The following BAD variants were observed in gnomAD, a reference collection of about 807,000 sequenced individuals.
The protein encoded by BAD is bcl2-associated agonist of cell death.
A neutral mutation model predicts 17.8 loss-of-function variants in BAD; 18 were observed. The observed-to-expected ratio is 1.01, with a 90% CI of 0.70 to 1.50. The LOEUF is 1.50. Ranked by LOEUF, BAD falls within the 40% of genes most tolerant of loss-of-function variation. The pLI, the probability that BAD is intolerant of heterozygous loss-of-function variation, is 0.00. For synonymous variants in BAD, 112 were observed against 91.5 expected (o/e 1.22, Z -1.28); for missense variants, 294 against 239.3 (o/e 1.23, Z -1.51).
At chr11:64,275,889 T>G (rs542651011) in intron 2 of BAD, 1 of 152,068 alleles carries the variant, frequency 6.6e-6, no homozygotes, top group East Asian at 1.9e-4. Flanking sequence ...CATTTGATCC[T>G]TGCCACACCC....
intron 2 of BAD, among the ~76,000 whole-genome samples, chr11:64,282,689 CT>C (rs1166119063): frequency 1.3e-5 from 2 of 151,908 alleles, no homozygotes; most frequent in East Asian, 3.9e-4. Flanking sequence ...ACCACCCTGG[CT>C]AACACGGTGA....
rs760516078 is a variant in BAD at position 64,270,322 on chromosome 11, G to A, written c.394C>T (p.Pro132Ser). Residue 132 changes from proline (P) to serine (S), a missense_variant, in exon 4 of 4, where the codon CCG becomes TCG. Physicochemically the swap from Pro to Ser is moderately conservative, Grantham distance 74 (BLOSUM62 -1). Coordinates refer to ENST00000309032, the MANE Select transcript of BAD (RefSeq NM_032989.3). ...TGCGTTGCTGTGCCCGCGCTCTTCG[G>A]GCGAGGAAGTCCCTTCTGGTGGAGG... ...VDSFKKGLPR[P>S]KSAGTATQMR... is the part of the protein sequence containing the mutation. 5 of 1,562,378 alleles carry A rather than the reference G, an allele frequency of 3.2e-6. No individual in the cohort carries two copies. The Admixed American group carries it at 9.2e-5, about 29-fold the overall frequency.
rs989251318 is a variant in BAD at position 64,270,438 on chromosome 11, A to G, written c.379-101T>C. The G allele has an allele frequency of 4.8e-5, 69 of 1,424,228 alleles. No individual in the cohort carries two copies. The African/African-American group carries it at 8.9e-4, about 18-fold the overall frequency. The allele number at this position is 1,424,228 out of a possible 1,614,324, so 88.2% of individuals were successfully genotyped here. A position where few individuals can be genotyped will look rare whatever the true frequency, so the allele number is the denominator to read the frequency against. On this transcript the variant is annotated intron_variant, in intron 3 of 3. Transcript: ENST00000309032. ...CTTCCTCTAAGTGAGATCGGGGGGG[A>G]GATAATGAAGGCCACAACTCCCAGG...
chr11:64,275,038 G>A (rs949824696), intron 2 of BAD, among the ~76,000 whole-genome samples: 34 of 148,514 alleles, frequency 2.3e-4, no homozygotes, highest in South Asian at 8.7e-4. Context: ...ACGAGAGGAC[G>A]GAATCCGGAA....
chr11:64,280,305 G>A (rs2135132095), intron 2 of BAD, among the ~76,000 whole-genome samples: 1 of 139,476 alleles, frequency 7.2e-6, no homozygotes, highest in South Asian at 2.3e-4. Context: ...GGGCGACAGA[G>A]CAAGACTCCA....
chr11:64,270,701 G>A, intron 3 of BAD: 2 of 513,672 alleles, frequency 3.9e-6, no homozygotes, highest in Non-Finnish European at 3.8e-6. Context: ...AGGTTGAAGC[G>A]GGAGGATCCT....
chr11:64,269,897 C>G lies in BAD; in HGVS notation c.*312G>C, dbSNP rs1365114129. 5.7e-6 allele frequency: 4 copies of G among 700,070 alleles called. No individual in the cohort carries two copies. The highest frequency in any genetic ancestry group is 1.0e-5 in the Non-Finnish European group (4 of 385,558). The allele number at this position is 700,070 out of a possible 1,614,324, so 43.4% of individuals were successfully genotyped here. ...CGGCCCCCAGGGCATCGCGGGGGCTCGGGTCCCGGTGACGCAACGGTTAAA... is the reference window on the plus strand; with the variant it reads ...CGGCCCCCAGGGCATCGCGGGGGCTGGGGTCCCGGTGACGCAACGGTTAAA... On this transcript the variant is annotated 3_prime_UTR_variant, in exon 4 of 4. Transcript: ENST00000309032.
chr11:64,277,360 A>C (rs536965444), intron 2 of BAD, among the ~76,000 whole-genome samples: 1 of 152,340 alleles, frequency 6.6e-6, no homozygotes, highest in South Asian at 2.1e-4. Flanking sequence ...AAGCCCCTTC[A>C]GGCCTGCAGA....
chr11:64,280,337 AT>A (rs1452555778), intron 2 of BAD, among the ~76,000 whole-genome samples: 3 of 134,456 alleles, frequency 2.2e-5, no homozygotes, highest in Non-Finnish European at 4.7e-5. Flanking sequence ...AAATAAAATA[AT>A]AATAATAATA....
In BAD at chr11:64,269,877, C is replaced by G. The variant is rs1359852511; in HGVS notation, c.*332G>C. 2 of 699,196 alleles carry G rather than the reference C, an allele frequency of 2.9e-6. No individual in the cohort carries two copies. Among genetic ancestry groups the G allele is most frequent in the Non-Finnish European group, 5.2e-6 (2 of 384,598 alleles). 43.3% of individuals were successfully genotyped at this position (699,196 alleles called of 1,614,324 possible). ...TTAACATTTGGTAGTGAGCACGGCC[C>G]CCAGGGCATCGCGGGGGCTCGGGTC... On this transcript the variant is annotated 3_prime_UTR_variant, in exon 4 of 4. Transcript: ENST00000309032.
chr11:64,270,257 G>C lies in BAD; in HGVS notation c.459C>G (p.Ser153=). 6.3e-7 allele frequency: 1 copy of C among 1,599,200 alleles called. No individual in the cohort carries two copies. Among genetic ancestry groups the C allele is most frequent in the East Asian group, 2.2e-5 (1 of 44,510 alleles). ...CCCTGCCCAAGTTCCGATCCCACCAGGACTGGAAGACTCGCGTCCAGCTGG... is the reference window on the plus strand; with the variant it reads ...CCCTGCCCAAGTTCCGATCCCACCACGACTGGAAGACTCGCGTCCAGCTGG... The part of the protein sequence containing the change: ...QSSSWTRVFQ[S]WWDRNLGRGS... The change falls in exon 4 of 4, where the codon TCC becomes TCG. Residue 153 remains serine, a synonymous_variant. Coordinates refer to ENST00000309032, the MANE Select transcript of BAD (RefSeq NM_032989.3).
intron 2 of BAD, among the ~76,000 whole-genome samples, chr11:64,277,649 G>C (rs543763675): frequency 6.6e-6 from 1 of 152,266 alleles, no homozygotes; most frequent in South Asian, 2.1e-4. Flanking sequence ...ATCTTGCCCA[G>C]GCTGGTCTCG....
intron 2 of BAD, among the ~76,000 whole-genome samples, chr11:64,282,597 T>C (rs1017059037): frequency 1.4e-5 from 2 of 144,594 alleles, no homozygotes; most frequent in South Asian, 2.2e-4. Flanking sequence ...ATGTGAAAAA[T>C]GCTGGGCATG....
At position 64,284,344 on chromosome 11, in the gene BAD, G is replaced by T; in HGVS notation, c.25C>A (p.Pro9Thr). Residue 9 changes from proline to threonine, a missense_variant, in exon 2 of 4, where the codon CCG (proline) becomes ACG (threonine). Physicochemically the swap from Pro to Thr is conservative, Grantham distance 38. Coordinates refer to ENST00000309032, the MANE Select transcript of BAD (RefSeq NM_032989.3). ...GAGCTGGAGTCTTCCTGCTCACTCG[G>T]CTCAAACTCTGGGATCTGGAACATG... MFQIPEFE[P>T]SEQEDSSSAE... 6.2e-7 allele frequency: 1 copy of T among 1,612,962 alleles called. No individual in the cohort carries two copies. Among genetic ancestry groups the T allele is most frequent in the Non-Finnish European group, 8.5e-7 (1 of 1,179,968 alleles).
intron 2 of BAD, among the ~76,000 whole-genome samples, chr11:64,279,626 C>T (rs951096035): frequency 4.0e-5 from 6 of 151,726 alleles, no homozygotes. Context: ...ATTAGCTGGG[C>T]ATGGTGCATG....
intron 2 of BAD, among the ~76,000 whole-genome samples, chr11:64,278,577 A>G (rs577595738): frequency 6.6e-6 from 1 of 152,260 alleles, no homozygotes; most frequent in African/African-American, 2.4e-5. Flanking sequence ...GAGGAAACTC[A>G]GGCAGATGGA....
intron 2 of BAD, among the ~76,000 whole-genome samples, chr11:64,277,541 G>C (rs541648104): frequency 6.6e-6 from 1 of 152,140 alleles, no homozygotes; most frequent in African/African-American, 2.4e-5. Context: ...AGGCGCAATC[G>C]ATCTTCCCAC....
chr11:64,276,793 G>A, intron 2 of BAD: 1 of 635,580 alleles, frequency 1.6e-6, no homozygotes, highest in Non-Finnish European at 2.9e-6. Context: ...ACGTGGGTGG[G>A]TGCCCAGGCC....
chr11:64,282,537 C>G (rs2033547425), intron 2 of BAD, among the ~76,000 whole-genome samples: 1 of 150,576 alleles, frequency 6.6e-6, no homozygotes, highest in South Asian at 2.1e-4. Flanking sequence ...GAGTTTGAGG[C>G]CTGCCTGGGC....
Sources: gnomAD v4.1 joint callset for allele counts (sites outside exome capture counted in the v4.1 genomes callset) on GRCh38, gnomAD v4.1.1 for gene constraint, MANE v1.5 for transcripts, NCBI Gene and HGNC (gene_info 2026-07-23, HGNC 2026-07-21) for gene names.